Variants in FHIP1A observed in about 807,000 individuals in gnomAD.
FHIP1A encodes FHF complex subunit HOOK interacting protein 1A, also known as FHF complex subunit HOOK-interacting protein 1A.
Under a neutral mutation model 88.6 loss-of-function variants are expected in FHIP1A, and 61 were observed. That is an observed-to-expected ratio of 0.69 (90% CI 0.56 to 0.85). The LOEUF is 0.85. Ranked by LOEUF, FHIP1A falls within the 40% of genes least tolerant of loss-of-function variation. The probability of loss-of-function intolerance (pLI) is 0.00; values close to 1 mark genes in which losing one functional copy is unlikely to be tolerated. For synonymous variants in FHIP1A, 478 were observed against 496.0 expected, an observed-to-expected ratio of 0.96 and a Z score of 0.48; for missense variants, 1,154 against 1,273.5, an observed-to-expected ratio of 0.91 and a Z score of 1.43.
chr4:151,627,228 T>A (rs1032514319), intron 7 of FHIP1A, among the ~76,000 whole-genome samples: 6 of 152,214 alleles, frequency 3.9e-5, no homozygotes, highest in African/African-American at 1.2e-4. Context: ...CTTTCTTAAA[T>A]CCTCTTAGCT....
chr4:151,474,107 TAGA>T (rs1161420777), intron 2 of FHIP1A, among the ~76,000 whole-genome samples: 1 of 152,220 alleles, frequency 6.6e-6, no homozygotes, highest in Non-Finnish European at 1.5e-5. Flanking sequence ...GAGAAGTATT[TAGA>T]AGGTTATGAG....
intron 3 of FHIP1A, among the ~76,000 whole-genome samples, chr4:151,525,498 G>A (rs568645143): frequency 6.6e-6 from 1 of 152,292 alleles, no homozygotes; most frequent in African/African-American, 2.4e-5. Flanking sequence ...TCCTTGAATT[G>A]GAAGTATTGG....
chr4:151,655,161 A>C (rs1737185016), intron 11 of FHIP1A, among the ~76,000 whole-genome samples: 1 of 152,244 alleles, frequency 6.6e-6, no homozygotes, highest in South Asian at 2.1e-4. Context: ...GGCATGGCTT[A>C]TATATCAAGG....
At chr4:151,442,273 G>C (rs2724549) in intron 1 of FHIP1A, among the ~76,000 whole-genome samples, 53,331 of 151,768 alleles carry the variant, frequency 0.35, 9,975 homozygotes, top group Non-Finnish European at 0.43. Flanking sequence ...CCAGACAATA[G>C]ATACCTGCTG....
intron 7 of FHIP1A, among the ~76,000 whole-genome samples, chr4:151,614,761 G>A (rs1163767711): frequency 5.9e-5 from 9 of 152,260 alleles, no homozygotes; most frequent in South Asian, 4.1e-4. Context: ...TGCCAGGAGC[G>A]GTAAGGGCCA....
At chr4:151,595,479 G>A (rs1734611294) in intron 7 of FHIP1A, among the ~76,000 whole-genome samples, 1 of 152,142 alleles carries the variant, frequency 6.6e-6, no homozygotes, top group South Asian at 2.1e-4. Flanking sequence ...GTGTGGTGCT[G>A]AGAAGAATGT....
intron 3 of FHIP1A, chr4:151,534,620 A>G (rs1021293347): frequency 6.6e-6 from 1 of 152,232 alleles, no homozygotes; most frequent in African/African-American, 2.4e-5. Flanking sequence ...GACAAATTAT[A>G]TTTTCAAATT....
intron 3 of FHIP1A, among the ~76,000 whole-genome samples, chr4:151,495,209 A>G (rs2126653090): frequency 6.6e-6 from 1 of 152,294 alleles, no homozygotes; most frequent in Middle Eastern, 3.4e-3. Flanking sequence ...TATAGAAAAA[A>G]GAATGGAAAG....
At chr4:151,639,510 A>G (rs10021998) in intron 9 of FHIP1A, among the ~76,000 whole-genome samples, 15,228 of 152,198 alleles carry the variant, frequency 0.1, 1,279 homozygotes, top group South Asian at 0.29. Flanking sequence ...ATGCTTCCTT[A>G]TTAGCTCATG....
At chr4:151,425,890 A>G (rs1323538342) in intron 1 of FHIP1A, among the ~76,000 whole-genome samples, 1 of 152,198 alleles carries the variant, frequency 6.6e-6, no homozygotes, top group South Asian at 2.1e-4. Context: ...TCAGCAACAC[A>G]TATACTAAAA....
chr4:151,458,389 C>T (rs1490805053), intron 2 of FHIP1A, among the ~76,000 whole-genome samples: 1 of 152,136 alleles, frequency 6.6e-6, no homozygotes, highest in African/African-American at 2.4e-5. Flanking sequence ...ACAGCCTAGC[C>T]AGGTCTGCTG....
chr4:151,659,779 A>G (rs1737383723), intron 13 of FHIP1A, among the ~76,000 whole-genome samples: 1 of 152,200 alleles, frequency 6.6e-6, no homozygotes, highest in Non-Finnish European at 1.5e-5. Flanking sequence ...ACCTCCTGGC[A>G]GCCCCGATGA....
chr4:151,535,946 G>A (rs1470719353), intron 3 of FHIP1A, among the ~76,000 whole-genome samples: 3 of 152,158 alleles, frequency 2.0e-5, no homozygotes, highest in Non-Finnish European at 2.9e-5. Flanking sequence ...ATTACAATTT[G>A]TTCGTTACAG....
At chr4:151,417,646 A>G (rs1321054339) in intron 1 of FHIP1A, among the ~76,000 whole-genome samples, 1 of 152,174 alleles carries the variant, frequency 6.6e-6, no homozygotes, top group Admixed American at 6.5e-5. Context: ...CTAGGAAGTC[A>G]GCATGAATCA....
At chr4:151,551,007 G>A (rs1273410769) in intron 3 of FHIP1A, among the ~76,000 whole-genome samples, 1 of 152,222 alleles carries the variant, frequency 6.6e-6, no homozygotes, top group Non-Finnish European at 1.5e-5. Flanking sequence ...CCCTTAAGGG[G>A]GAGGGCTTAA....
chr4:151,435,699 C>G (rs139103430), intron 1 of FHIP1A, among the ~76,000 whole-genome samples: 42 of 151,210 alleles, frequency 2.8e-4, no homozygotes, highest in African/African-American at 9.7e-4. Context: ...GCAGGAGAAT[C>G]GCTTGAACCC....
At chr4:151,417,574 A>G (rs1732943432) in intron 1 of FHIP1A, among the ~76,000 whole-genome samples, 2 of 152,160 alleles carry the variant, frequency 1.3e-5, no homozygotes, top group Admixed American at 1.3e-4. Context: ...TGCAAAGGGA[A>G]TAGCCTCTGG....
intron 3 of FHIP1A, among the ~76,000 whole-genome samples, chr4:151,526,810 G>T (rs1293454117): frequency 1.3e-5 from 2 of 151,314 alleles, no homozygotes; most frequent in African/African-American, 2.4e-5. Context: ...TCTCAGACGG[G>T]GCGGTTGCCG....
chr4:151,424,999 G>C (rs951819170), intron 1 of FHIP1A, among the ~76,000 whole-genome samples: 1 of 152,152 alleles, frequency 6.6e-6, no homozygotes, highest in Non-Finnish European at 1.5e-5. Flanking sequence ...TTAAGTTAAA[G>C]GTTGATGGGG....
Sources: allele counts gnomAD v4.1 joint callset (sites outside exome capture counted in the v4.1 genomes callset), GRCh38; gene constraint gnomAD v4.1.1; transcripts MANE v1.5; gene names NCBI Gene and HGNC (gene_info 2026-07-23, HGNC 2026-07-21).